The following SCEL variants were observed in gnomAD, a reference collection of about 807,000 sequenced individuals.
SCEL encodes sciellin.
A neutral mutation model predicts 117.6 loss-of-function variants in SCEL; 113 were observed. The ratio of observed to expected loss-of-function variants is 0.96; its 90% CI spans 0.83 to 1.12. The LOEUF is 1.12. Among genes scored for constraint, SCEL ranks in the 50% most tolerant of loss-of-function variants. The probability of loss-of-function intolerance (pLI) is 0.00; values close to 1 mark genes in which losing one functional copy is unlikely to be tolerated. For missense variants in SCEL, 785 were observed against 810.8 expected (o/e 0.97, Z 0.39); for synonymous variants, 270 against 256.2 (o/e 1.05, Z -0.51).
At position 77,599,745 on chromosome 13, in the gene SCEL, AAGGGT is replaced by A. The variant is rs1567401035; in HGVS notation, c.916_917+3del. ...AGTACCCGGACAGATAAAGATGGCA[AAGGGT>A]AAGATTTTATTAAGACAGACCATTT... On this transcript the variant is annotated splice_donor_variant and coding_sequence_variant, in exon 15 of 33. Transcript: ENST00000349847. LOFTEE classifies it high-confidence loss of function. The A allele has an allele frequency of 1.2e-6, 2 of 1,606,990 alleles. No homozygotes were observed. Among genetic ancestry groups the A allele is most frequent in the Non-Finnish European group, 8.5e-7 (1 of 1,173,570 alleles).
At chr13:77,584,013 A>T (rs2086413939) in intron 9 of SCEL, among the ~76,000 whole-genome samples, 1 of 152,244 alleles carries the variant, frequency 6.6e-6, no homozygotes, top group South Asian at 2.1e-4. Context: ...AAAGCTCATC[A>T]TGATAGCCAC....
chr13:77,536,145 G>A (rs2083412688), intron 1 of SCEL, among the ~76,000 whole-genome samples: 1 of 151,986 alleles, frequency 6.6e-6, no homozygotes, highest in South Asian at 2.1e-4. Context: ...GAAGGGACCA[G>A]CACCTGCTGG....
intron 1 of SCEL, among the ~76,000 whole-genome samples, chr13:77,544,782 C>G (rs530449523): frequency 2.0e-5 from 3 of 152,154 alleles, no homozygotes; most frequent in Non-Finnish European, 4.4e-5. Context: ...ATAGGAGATG[C>G]TGATAGTTTC....
chr13:77,551,266 C>A, intron 1 of SCEL, among the ~76,000 whole-genome samples: 1 of 152,232 alleles, frequency 6.6e-6, no homozygotes, highest in South Asian at 2.1e-4. Context: ...CTGTTCAGGG[C>A]GGGGGCTCAA....
chr13:77,577,678 C>T (rs997879023), intron 9 of SCEL, among the ~76,000 whole-genome samples: 7 of 152,288 alleles, frequency 4.6e-5, no homozygotes, highest in Middle Eastern at 3.4e-3. Context: ...GCTATAGTTT[C>T]CTTGATGTGT....
chr13:77,546,390 T>C (rs987028557), intron 1 of SCEL, among the ~76,000 whole-genome samples: 3 of 152,194 alleles, frequency 2.0e-5, no homozygotes, highest in African/African-American at 7.2e-5. Flanking sequence ...CTGTGTACTT[T>C]GGGCAGGTTA....
chr13:77,618,546 T>C (rs73229100), intron 27 of SCEL, among the ~76,000 whole-genome samples: 19,741 of 152,076 alleles, frequency 0.13, 1,351 homozygotes, highest in Non-Finnish European at 0.15. Context: ...CTTTTAGTTT[T>C]CTTTGGTGTG....
At chr13:77,611,536 T>G (rs1640954349) in intron 22 of SCEL, among the ~76,000 whole-genome samples, 1 of 152,212 alleles carries the variant, frequency 6.6e-6, no homozygotes. Flanking sequence ...CTTTTCCCTC[T>G]CCCGAGATGA....
chr13:77,546,230 T>C (rs1567333077), intron 1 of SCEL, among the ~76,000 whole-genome samples: 1 of 152,216 alleles, frequency 6.6e-6, no homozygotes, highest in Non-Finnish European at 1.5e-5. Context: ...CCCATGATCA[T>C]CAATCATCTG....
At chr13:77,613,345 T>C (rs2088802969) in intron 23 of SCEL, among the ~76,000 whole-genome samples, 1 of 152,224 alleles carries the variant, frequency 6.6e-6, no homozygotes, top group Non-Finnish European at 1.5e-5. Context: ...CAACATAATA[T>C]TCTTATACTT....
intron 30 of SCEL, among the ~76,000 whole-genome samples, chr13:77,639,172 TG>T (rs1436412700): frequency 2.0e-5 from 3 of 152,236 alleles, no homozygotes; most frequent in East Asian, 3.9e-4. Context: ...GCCTGTGGAA[TG>T]GATGAAGGAC....
intron 9 of SCEL, among the ~76,000 whole-genome samples, chr13:77,588,632 G>C (rs1242746058): frequency 5.3e-5 from 8 of 152,150 alleles, no homozygotes; most frequent in African/African-American, 1.7e-4. Context: ...TGCTTTGTCA[G>C]CATCAAAGTG....
chr13:77,618,090 T>C (rs1359663375), intron 27 of SCEL, 30 bp downstream of exon 27: 2 of 1,571,792 alleles, frequency 1.3e-6, no homozygotes, highest in African/African-American at 2.7e-5. Flanking sequence ...TTGACATGTT[T>C]ACAAGTTTCT....
chr13:77,553,445 A>AT (rs919462318), intron 1 of SCEL, among the ~76,000 whole-genome samples: 3 of 152,082 alleles, frequency 2.0e-5, no homozygotes, highest in Non-Finnish European at 2.9e-5. Flanking sequence ...GAGAAAAAAA[A>AT]ATATATCAGA....
chr13:77,543,305 G>A (rs71434870), intron 1 of SCEL, among the ~76,000 whole-genome samples: 2 of 151,454 alleles, frequency 1.3e-5, no homozygotes, highest in Non-Finnish European at 2.9e-5. Context: ...GGATGGTCTC[G>A]ATCTCCTGAC....
At chr13:77,602,026 ACT>A (rs1567404020) in intron 15 of SCEL, 37 bp from the exon 16 acceptor site, 2 of 1,551,288 alleles carry the variant, frequency 1.3e-6, no homozygotes, top group Admixed American at 1.9e-5. Context: ...CTCTTGCCTC[ACT>A]CTCTCTTTCT....
chr13:77,617,653 C>A lies in SCEL; in HGVS notation c.1506C>A (p.Asn502Lys). 1 of 1,590,552 alleles carries A rather than the reference C, an allele frequency of 6.3e-7. No individual in the cohort carries two copies. The highest frequency in any genetic ancestry group is 1.1e-5 in the South Asian group (1 of 88,176). Residue 502 changes from asparagine to lysine, a missense_variant, in exon 25 of 33, where the codon AAC becomes AAA. By Grantham distance (94) the Asn-to-Lys change is moderately conservative. Transcript: ENST00000349847. ...TGAATCCTGAAATTTTCACAAACAA[C>A]CAAAGGTAATAAAACTATGTTGTTT... is the stretch of plus-strand genomic sequence containing the variant. ...IKVNPEIFTN[N>K]QRNQDLANLI... is the part of the protein sequence containing the mutation.
chr13:77,564,447 G>C (rs369332078), intron 5 of SCEL, among the ~76,000 whole-genome samples: 13 of 152,146 alleles, frequency 8.5e-5, no homozygotes, highest in African/African-American at 3.1e-4. Context: ...CCTCCTGTTA[G>C]TTCCTTCTTA....
chr13:77,642,823 C>T lies in SCEL; in HGVS notation c.2050+15C>T, dbSNP rs375773624. 6.4e-6 allele frequency: 9 copies of T among 1,413,904 alleles called. No homozygotes were observed. Among genetic ancestry groups the T allele is most frequent in the East Asian group, 2.3e-5 (1 of 43,172 alleles). The allele number at this position is 1,413,904 out of a possible 1,614,324, so 87.6% of individuals were successfully genotyped here. A position where few individuals can be genotyped will look rare whatever the true frequency, so the allele number is the denominator to read the frequency against. On this transcript the variant is annotated intron_variant, in intron 32 of 32. Transcript: ENST00000349847. ...TAAAATTATGGGTAAGTGTTACACT[C>T]TAAGCATTTAACACTTTGGTTAACC...
Sources: allele counts gnomAD v4.1 joint callset (sites outside exome capture counted in the v4.1 genomes callset), GRCh38; gene constraint gnomAD v4.1.1; transcripts MANE v1.5; gene names NCBI Gene and HGNC (gene_info 2026-07-23, HGNC 2026-07-21).